The following ASH1L variants were observed in gnomAD, a reference collection of about 807,000 sequenced individuals.
ASH1L encodes the protein ASH1 like histone lysine methyltransferase.
In ASH1L, 23 loss-of-function variants were observed where a neutral mutation model predicts 269.0. The observed-to-expected ratio is 0.09, with a 90% CI of 0.06 to 0.12. The LOEUF is 0.12. ASH1L is among the 10% of genes least tolerant of loss of function. ASH1L has a pLI of 1.00. For missense variants in ASH1L, 2,912 were observed against 3,567.8 expected (o/e 0.82, Z 4.68); for synonymous variants, 1,187 against 1,253.5 (o/e 0.95, Z 1.12).
At position 155,521,609 on chromosome 1, in the gene ASH1L, GCAT is replaced by G. The variant is rs763140617; in HGVS notation, c.-93_-91del. 3 of 1,266,162 alleles carry G rather than the reference GCAT, an allele frequency of 2.4e-6. No homozygotes were observed. The highest frequency in any genetic ancestry group is 3.3e-6 in the Non-Finnish European group (3 of 915,564). The allele number at this position is 1,266,162 out of a possible 1,614,324, so 78.4% of individuals were successfully genotyped here. A position where few individuals can be genotyped will look rare whatever the true frequency, so the allele number is the denominator to read the frequency against. On this transcript the variant is annotated 5_prime_UTR_variant, in exon 2 of 28. An upstream start codon of the reference 5' UTR is lost. Coordinates refer to ENST00000392403, the MANE Select transcript of ASH1L (RefSeq NM_018489.3). ...CAAGGATCTCCAAAACTCGAAACCA[GCAT>G]CTTTCTCTGCAGAACAGATCATAAC...
At position 155,480,444 on chromosome 1, in the gene ASH1L, A is replaced by G. The variant is rs1665869316; in HGVS notation, c.2426T>C (p.Leu809Pro). The G allele has an allele frequency of 6.2e-7, 1 of 1,614,112 alleles. No individual in the cohort carries two copies. Among genetic ancestry groups the G allele is most frequent in the Non-Finnish European group, 8.5e-7 (1 of 1,179,960 alleles). ...PSHKSFATHK[L>P]SSSMCVSSDL... ...ACTAGAGACACACATACTGGAGGAT[A>G]GTTTGTGAGTAGCAAAAGACTTATG... is the stretch of plus-strand genomic sequence containing the variant. The change falls in exon 3 of 28, where the codon CTA becomes CCA. Residue 809 changes from leucine (L) to proline (P), a missense_variant. This residue lies in a region of ASH1L where 715 missense variants were observed against 721.0 expected (regional missense o/e 0.99). Transcript: ENST00000392403.
At chr1:155,556,635 G>A (rs1053181159) in intron 1 of ASH1L, among the ~76,000 whole-genome samples, 1 of 151,928 alleles carries the variant, frequency 6.6e-6, no homozygotes, top group Admixed American at 6.6e-5. Context: ...TAGAGACGGG[G>A]TTTCACCACG....
intron 1 of ASH1L, among the ~76,000 whole-genome samples, chr1:155,525,638 A>AT (rs1177654888): frequency 6.6e-6 from 1 of 152,110 alleles, no homozygotes; most frequent in Non-Finnish European, 1.5e-5. Context: ...CGGCACCAAC[A>AT]TTTGGGTAAT....
At chr1:155,523,997 A>T (rs1184427162) in intron 1 of ASH1L, among the ~76,000 whole-genome samples, 2 of 152,186 alleles carry the variant, frequency 1.3e-5, no homozygotes, top group African/African-American at 4.8e-5. Context: ...TGGAAAACTA[A>T]TCTTCCAATC....
Position 155,478,091 on chromosome 1 carries a change from G to A in ASH1L, c.4779C>T (p.Pro1593=). 2.5e-6 allele frequency: 4 copies of A among 1,614,140 alleles called. No homozygotes were observed. The highest frequency in any genetic ancestry group is 3.4e-6 in the Non-Finnish European group (4 of 1,180,032). The change falls in exon 3 of 28, where the codon CCC becomes CCT. Residue 1593 remains proline (P), a synonymous_variant. Coordinates refer to ENST00000392403, the MANE Select transcript of ASH1L (RefSeq NM_018489.3). The surrounding 1 kb of genome is among the most constrained non-coding windows in gnomAD (Gnocchi z 4.6). ...CATCACTGCTGGCTGGCTCAGAGTT[G>A]GGAGTGAATCCTCCAAGGGATAAGC... The part of the protein sequence containing the change: ...SPSLSLGGFT[P]NSEPASSDEH...
At chr1:155,357,223 G>A in intron 15 of ASH1L, 93 bp downstream of exon 15, 1 of 937,806 alleles carries the variant, frequency 1.1e-6, no homozygotes, top group African/African-American at 1.7e-5. Context: ...ACAAAAGAAA[G>A]TGGATCAACA....
At chr1:155,417,596 A>T (rs1660320552) in intron 5 of ASH1L, among the ~76,000 whole-genome samples, 1 of 152,182 alleles carries the variant, frequency 6.6e-6, no homozygotes, top group Non-Finnish European at 1.5e-5. Flanking sequence ...ACAATAGGGG[A>T]CATTAAACAG....
At position 155,481,706 on chromosome 1, in the gene ASH1L, T is replaced by C. The variant is rs1056619676; in HGVS notation, c.1164A>G (p.Ala388=). 1 of 1,614,188 alleles carries C rather than the reference T, an allele frequency of 6.2e-7. No individual in the cohort carries two copies. The part of the protein sequence containing the change: ...STVGLVAKDC[A]KKIVASSAMG... ...TTGCTGAACTTGCTACAATCTTCTT[T>C]GCACAGTCCTTGGCCACTAGGCCAA... Residue 388 remains alanine, a synonymous_variant, in exon 3 of 28, where the codon GCA becomes GCG. Transcript: ENST00000392403.
chr1:155,351,545 C>A (rs1055212256), intron 17 of ASH1L, among the ~76,000 whole-genome samples: 1 of 151,174 alleles, frequency 6.6e-6, no homozygotes, highest in Non-Finnish European at 1.5e-5. Context: ...AGACTGAGAC[C>A]CTGTCTAAAA....
intron 7 of ASH1L, among the ~76,000 whole-genome samples, chr1:155,382,281 G>A (rs958369935): frequency 1.3e-5 from 2 of 151,950 alleles, no homozygotes; most frequent in Admixed American, 1.3e-4. Flanking sequence ...GGCAGATCAT[G>A]AGGTCAGGAG....
At chr1:155,446,723 A>C (rs1294582873) in intron 4 of ASH1L, among the ~76,000 whole-genome samples, 1 of 140,998 alleles carries the variant, frequency 7.1e-6, no homozygotes, top group African/African-American at 2.7e-5. Context: ...CTGGGTTCAC[A>C]CCATTCTCCT....
intron 4 of ASH1L, among the ~76,000 whole-genome samples, chr1:155,457,955 T>C (rs531830438): frequency 6.6e-6 from 1 of 152,332 alleles, no homozygotes; most frequent in African/African-American, 2.4e-5. Context: ...AGGACATATA[T>C]AATGCTTACC....
chr1:155,475,538 A>G (rs1665475405), intron 3 of ASH1L, among the ~76,000 whole-genome samples: 1 of 152,218 alleles, frequency 6.6e-6, no homozygotes, highest in Non-Finnish European at 1.5e-5. Context: ...AATCTGTATC[A>G]TAACACTCCA....
At chr1:155,489,520 C>G (rs1666597561) in intron 2 of ASH1L, among the ~76,000 whole-genome samples, 1 of 150,294 alleles carries the variant, frequency 6.7e-6, no homozygotes, top group Admixed American at 6.6e-5. Flanking sequence ...CCTGTAATCC[C>G]AGCACTTTGT....
In ASH1L at chr1:155,438,600, C is replaced by T. The variant is rs1469393354; in HGVS notation, c.5555G>A (p.Arg1852Gln). ...AGCCTGAAGGGGACATTTCCGAGGT[C>T]GACCTGGCCTACGTTTCACAAAGTT... ...GNNFVKRRPG[R>Q]PRKCPLQAVV... Residue 1852 changes from arginine (R) to glutamine (Q), a missense_variant, in exon 5 of 28, where the codon CGA becomes CAA. Physicochemically the swap from Arg to Gln is conservative, Grantham distance 43. This residue lies in a region of ASH1L where 789 missense variants were observed against 897.6 expected (regional missense o/e 0.88). Coordinates refer to ENST00000392403, the MANE Select transcript of ASH1L (RefSeq NM_018489.3). 7 of 1,614,040 alleles carry T rather than the reference C, an allele frequency of 4.3e-6. No homozygotes were observed. Among genetic ancestry groups the T allele is most frequent in the East Asian group, 2.2e-5 (1 of 44,896 alleles).
Position 155,408,811 on chromosome 1 carries a change from T to TA in ASH1L, c.6008+6932dup, listed in dbSNP as rs1659523720. Among the ~76,000 whole-genome samples the TA allele has an allele frequency of 2.0e-5, 3 of 151,902 alleles. No individual in the cohort carries two copies. The South Asian group carries it at 6.2e-4, about 32-fold the overall frequency. ...AGAAGGACTTCTTGAGCCCAGGAGT[T>TA]AGAGTCAAGCCTGGGCAACATAGGG... On this transcript the variant is annotated intron_variant, in intron 6 of 27. Transcript: ENST00000392403.
rs377501357 is a variant in ASH1L at position 155,480,772 on chromosome 1, G to A, written c.2098C>T (p.Leu700=). 18 of 1,613,500 alleles carry A rather than the reference G, an allele frequency of 1.1e-5. No homozygotes were observed. The highest frequency in any genetic ancestry group is 1.5e-5 in the Non-Finnish European group (18 of 1,179,928). The change falls in exon 3 of 28, where the codon CTA becomes TTA. Residue 700 remains leucine, a synonymous_variant. Transcript: ENST00000392403. Reference sequence around the variant, plus strand: ...GGTTTGGACTGCAAACTAGTACTTAGGCTTTCAGCAACTTGGCAGTGTTTG... The same window carrying A: ...GGTTTGGACTGCAAACTAGTACTTAAGCTTTCAGCAACTTGGCAGTGTTTG... ...SDKHCQVAES[L]STSLQSKPLK...
intron 5 of ASH1L, among the ~76,000 whole-genome samples, chr1:155,417,638 G>C (rs1225693655): frequency 6.6e-6 from 1 of 152,198 alleles, no homozygotes; most frequent in Non-Finnish European, 1.5e-5. Context: ...TCCACTGTTA[G>C]AGGGCTTAAT....
Position 155,370,554 on chromosome 1 carries a change from C to T in ASH1L, c.6636G>A (p.Glu2212=). ...CACAGCTATGGTTGATGAATCGGGC[C>T]TCATTTCCCATGCGGTAACTGTCAA... is the stretch of plus-strand genomic sequence containing the variant. ...MVIDSYRMGN[E]ARFINHSCDP... The change falls in exon 12 of 28, where the codon GAG becomes GAA. Residue 2212 remains glutamate (E), a synonymous_variant. Transcript: ENST00000392403. 1 of 1,614,174 alleles carries T rather than the reference C, an allele frequency of 6.2e-7. No homozygotes were observed. The highest frequency in any genetic ancestry group is 2.2e-5 in the East Asian group (1 of 44,894).
Sources: gnomAD v4.1 joint callset for allele counts (sites outside exome capture counted in the v4.1 genomes callset) on GRCh38, gnomAD v4.1.1 for gene constraint, gnomAD v4.1.1 regional missense constraint, Gnocchi (gnomAD v3.1) non-coding constraint, MANE v1.5 for transcripts, NCBI Gene and HGNC (gene_info 2026-07-23, HGNC 2026-07-21) for gene names.